The following TMEM117 variants were observed in gnomAD, a reference collection of about 807,000 sequenced individuals.
The protein encoded by TMEM117 is transmembrane protein 117.
TMEM117 carries 27 observed loss-of-function variants against 52.4 expected under a neutral mutation model. The observed-to-expected ratio is 0.51, with a 90% CI of 0.38 to 0.71. The LOEUF (loss-of-function observed/expected upper bound fraction) is 0.71, where lower values mean the gene tolerates loss of function less well. Ranked by LOEUF, TMEM117 falls within the 30% of genes least tolerant of loss-of-function variation. The probability of loss-of-function intolerance (pLI) is 0.00; values close to 1 mark genes in which losing one functional copy is unlikely to be tolerated. For missense variants in TMEM117, 556 were observed against 630.5 expected, an observed-to-expected ratio of 0.88 and a Z score of 1.26; for synonymous variants, 215 against 206.3, an observed-to-expected ratio of 1.04 and a Z score of -0.36.
At chr12:43,955,349 A>G (rs1186726848) in intron 3 of TMEM117, among the ~76,000 whole-genome samples, 4 of 152,154 alleles carry the variant, frequency 2.6e-5, no homozygotes, top group Non-Finnish European at 4.4e-5. Context: ...GCGGAAGTCA[A>G]TTTGTCTTTG....
intron 3 of TMEM117, among the ~76,000 whole-genome samples, chr12:44,129,302 T>C (rs1342938847): frequency 1.3e-5 from 2 of 152,156 alleles, no homozygotes; most frequent in Non-Finnish European, 2.9e-5. Flanking sequence ...CAGTTTTTGT[T>C]TGGAGACGTC....
intron 4 of TMEM117, among the ~76,000 whole-genome samples, chr12:44,207,619 C>T (rs1225753538): frequency 2.6e-5 from 4 of 151,866 alleles, no homozygotes; most frequent in Non-Finnish European, 4.4e-5. Flanking sequence ...TTGTCAAATC[C>T]TTTGACTCTA....
At chr12:43,934,187 G>A (rs1176729853) in intron 2 of TMEM117, among the ~76,000 whole-genome samples, 1 of 152,078 alleles carries the variant, frequency 6.6e-6, no homozygotes, top group Non-Finnish European at 1.5e-5. Context: ...TTTACCTTGG[G>A]CTACAAGGTA....
At chr12:44,243,979 T>C (rs140713083) in intron 5 of TMEM117, among the ~76,000 whole-genome samples, 1,616 of 152,142 alleles carry the variant, frequency 0.011, 11 homozygotes, top group African/African-American at 0.018. Context: ...TAAGGCTGAA[T>C]AGTATTCTGC....
chr12:43,998,233 A>G (rs1444516275), intron 3 of TMEM117, among the ~76,000 whole-genome samples: 1 of 152,220 alleles, frequency 6.6e-6, no homozygotes, highest in Non-Finnish European at 1.5e-5. Context: ...TCCAGAAACA[A>G]AATCATCCAG....
At chr12:44,314,105 C>T (rs1951024500) in intron 6 of TMEM117, among the ~76,000 whole-genome samples, 1 of 152,088 alleles carries the variant, frequency 6.6e-6, no homozygotes, top group African/African-American at 2.4e-5. Flanking sequence ...TTTCTCTTGC[C>T]TGATTGCTCT....
intron 4 of TMEM117, among the ~76,000 whole-genome samples, chr12:44,204,868 G>A (rs974499636): frequency 9.9e-5 from 15 of 152,030 alleles, no homozygotes; most frequent in African/African-American, 3.1e-4. Flanking sequence ...GAATGGAACC[G>A]GCCCCTTCCT....
At chr12:44,279,809 C>T (rs1470776439) in intron 5 of TMEM117, among the ~76,000 whole-genome samples, 1 of 152,152 alleles carries the variant, frequency 6.6e-6, no homozygotes, top group Non-Finnish European at 1.5e-5. Flanking sequence ...CCAGCGCACC[C>T]GGCCTACAAT....
chr12:43,907,727 A>G (rs1469768801), intron 2 of TMEM117, among the ~76,000 whole-genome samples: 4 of 152,004 alleles, frequency 2.6e-5, no homozygotes, highest in Admixed American at 6.6e-5. Context: ...GATGCGATCA[A>G]CTGGAAGAAA....
intron 3 of TMEM117, among the ~76,000 whole-genome samples, chr12:44,137,347 C>A (rs571522077): frequency 4.9e-4 from 75 of 152,006 alleles, no homozygotes; most frequent in Non-Finnish European, 4.1e-4. Flanking sequence ...ATAAAGAGAG[C>A]ATTCTGGGCA....
Position 44,077,853 on chromosome 12 carries a change from T to G in TMEM117, c.411-65672T>G, listed in dbSNP as rs535458228. Among the ~76,000 whole-genome samples the G allele has an allele frequency of 2.8e-3, 422 of 152,306 alleles. 5 individuals are homozygous for G. The highest frequency in any genetic ancestry group is 9.6e-3 in the African/African-American group (401 of 41,578). On this transcript the variant is annotated intron_variant, in intron 3 of 7. Transcript: ENST00000266534. ...TTTTGCTGACAGTTCAGGTTCTTCA[T>G]TCATACTTTATATTTTCTTATTTAT...
chr12:44,005,797 G>T (rs1946185069), intron 3 of TMEM117, among the ~76,000 whole-genome samples: 2 of 152,106 alleles, frequency 1.3e-5, no homozygotes, highest in African/African-American at 4.8e-5. Flanking sequence ...ATGGGGGCGG[G>T]TCTTTACCAT....
At chr12:44,015,489 C>T (rs1946360687) in intron 3 of TMEM117, among the ~76,000 whole-genome samples, 1 of 152,006 alleles carries the variant, frequency 6.6e-6, no homozygotes, top group Admixed American at 6.6e-5. Context: ...AGCTTTTGCT[C>T]AAATTTTTTT....
rs148957181 is a variant in TMEM117, at chr12:44,233,299, A to T, written c.608+21912A>T. ...TTGCTTAGAATTTTATTATGTATGG[A>T]TGTTGAATTTCATACAATGATTTTC... is the stretch of plus-strand genomic sequence containing the variant. On this transcript the variant is annotated intron_variant, in intron 5 of 7. Transcript: ENST00000266534. Among the ~76,000 whole-genome samples, 924 of 151,464 alleles carry T rather than the reference A, an allele frequency of 6.1e-3. 9 individuals carry two copies. Among genetic ancestry groups the T allele is most frequent in the African/African-American group, 0.022 (897 of 41,480 alleles).
chr12:43,819,167 C>A, the TMEM117 span, among the ~76,000 whole-genome samples: 1 of 152,056 alleles, frequency 6.6e-6, no homozygotes, highest in Admixed American at 6.6e-5. Flanking sequence ...TGATTGTAGA[C>A]CTAAAAATCC....
At chr12:44,193,282 A>G (rs951051650) in intron 4 of TMEM117, among the ~76,000 whole-genome samples, 12 of 152,246 alleles carry the variant, frequency 7.9e-5, no homozygotes, top group African/African-American at 2.9e-4. Flanking sequence ...CAATTTCCCA[A>G]TACAAAACAC....
At chr12:43,805,871 T>G in the TMEM117 span, 1 of 1,436,282 alleles carries the variant, frequency 7.0e-7, no homozygotes, top group South Asian at 1.1e-5. Context: ...TCGCCTCCAC[T>G]GTCCCAGCTC....
chr12:44,144,042 C>T lies in TMEM117; in HGVS notation c.510+418C>T, dbSNP rs1592554392. 2.6e-5 allele frequency among the ~76,000 whole-genome samples: 4 copies of T among 152,238 alleles called. No homozygotes were observed. In the East Asian group the frequency reaches 5.8e-4, roughly 22 times the overall value. ...GTAAGGAATGTGGTCTGGCCTGTCT[C>T]AGAAGACCATATGAAATATTTTTTT... On this transcript the variant is annotated intron_variant, in intron 4 of 7. Transcript: ENST00000266534.
intron 3 of TMEM117, among the ~76,000 whole-genome samples, chr12:43,983,737 C>T (rs1294234301): frequency 6.6e-6 from 1 of 151,496 alleles, no homozygotes; most frequent in Non-Finnish European, 1.5e-5. Context: ...TATGTTATCT[C>T]ATTTAATTTT....
Sources: allele counts gnomAD v4.1 joint callset (sites outside exome capture counted in the v4.1 genomes callset), GRCh38; gene constraint gnomAD v4.1.1; transcripts MANE v1.5; gene names NCBI Gene and HGNC (gene_info 2026-07-23, HGNC 2026-07-21).